Variants in CFAP20DC observed in about 807,000 individuals in gnomAD.
The protein encoded by CFAP20DC is CFAP20 domain containing.
A neutral mutation model predicts 101.7 loss-of-function variants in CFAP20DC; 84 were observed. The ratio of observed to expected loss-of-function variants is 0.83; its 90% CI spans 0.69 to 0.99. The LOEUF (loss-of-function observed/expected upper bound fraction) is 0.99. CFAP20DC is among the 50% of genes least tolerant of loss of function. The pLI, the probability that CFAP20DC is intolerant of heterozygous loss-of-function variation, is 0.00. For synonymous variants in CFAP20DC, 359 were observed against 351.2 expected, an observed-to-expected ratio of 1.02 and a Z score of -0.25; for missense variants, 1,007 against 970.3, an observed-to-expected ratio of 1.04 and a Z score of -0.50.
intron 4 of CFAP20DC, among the ~76,000 whole-genome samples, chr3:59,021,639 C>A (rs758582614): frequency 2.0e-5 from 3 of 152,086 alleles, no homozygotes; most frequent in African/African-American, 4.8e-5. Flanking sequence ...AGCAGCTACA[C>A]AGATTGAACC....
Position 58,866,699 on chromosome 3 carries a change from A to C in CFAP20DC, c.1136-11T>G. On this transcript the variant is annotated splice_polypyrimidine_tract_variant and intron_variant, in intron 10 of 16. Coordinates refer to ENST00000482387, the MANE Select transcript of CFAP20DC (RefSeq NM_001394063.1). The stretch of plus-strand genomic sequence containing the variant: ...TTCCTGAAGAGCTACCTTTATTGAG[A>C]TAAATATTTTCCCTCTATTACTTCT... 2.6e-6 allele frequency: 4 copies of C among 1,512,382 alleles called. No homozygotes were observed. The highest frequency in any genetic ancestry group is 3.6e-6 in the Non-Finnish European group (4 of 1,097,086). The allele number at this position is 1,512,382 out of a possible 1,614,324, so 93.7% of individuals were successfully genotyped here.
chr3:58,716,177 C>T (rs1230867729), downstream of CFAP20DC, among the ~76,000 whole-genome samples: 4 of 89,454 alleles, frequency 4.5e-5, no homozygotes, highest in South Asian at 3.8e-4. Context: ...TTTTTTGAGA[C>T]GGAGTCTCGC....
At chr3:58,769,617 G>A (rs4568148) in intron 15 of CFAP20DC, among the ~76,000 whole-genome samples, 8,711 of 152,112 alleles carry the variant, frequency 0.057, 527 homozygotes, top group East Asian at 0.35. Context: ...TGAGAGTGGC[G>A]GGAGGAATAA....
At chr3:58,836,453 T>G (rs773636947) in intron 13 of CFAP20DC, among the ~76,000 whole-genome samples, 1 of 152,156 alleles carries the variant, frequency 6.6e-6, no homozygotes, top group African/African-American at 2.4e-5. Context: ...GAGCCTCAGA[T>G]AGGAACCAGT....
Position 58,953,145 on chromosome 3 carries a change from G to C in CFAP20DC, c.279-15383C>G, listed in dbSNP as rs146290050. 5.3e-4 allele frequency among the ~76,000 whole-genome samples: 81 copies of C among 152,274 alleles called. 1 individual carries two copies. The highest frequency in any genetic ancestry group is 1.8e-3 in the African/African-American group (76 of 41,554). ...TCACATAAGGCAACGTTTAAGCTGA[G>C]TTGAGCGAAGTAGAGGTAGGAACCA... On this transcript the variant is annotated intron_variant, in intron 4 of 16. Transcript: ENST00000482387.
At chr3:58,949,498 G>C (rs1472154852) in intron 4 of CFAP20DC, among the ~76,000 whole-genome samples, 1 of 151,828 alleles carries the variant, frequency 6.6e-6, no homozygotes, top group African/African-American at 2.4e-5. Flanking sequence ...TGTTCTCGTT[G>C]GTTTCAAAGA....
intron 4 of CFAP20DC, among the ~76,000 whole-genome samples, chr3:59,025,346 G>C (rs972721828): frequency 6.6e-6 from 1 of 152,100 alleles, no homozygotes; most frequent in Non-Finnish European, 1.5e-5. Context: ...GGGACAAGTA[G>C]CATGAAAGTA....
intron 15 of CFAP20DC, among the ~76,000 whole-genome samples, chr3:58,760,130 T>C (rs1297494919): frequency 2.0e-5 from 3 of 152,222 alleles, no homozygotes; most frequent in African/African-American, 4.8e-5. Flanking sequence ...TTGGGCAGTA[T>C]GGCCATTTTC....
At chr3:58,758,222 C>G (rs960047121) in intron 15 of CFAP20DC, among the ~76,000 whole-genome samples, 1 of 152,258 alleles carries the variant, frequency 6.6e-6, no homozygotes, top group Non-Finnish European at 1.5e-5. Flanking sequence ...AGTCCAGCAT[C>G]TGTATCTTAC....
intron 5 of CFAP20DC, among the ~76,000 whole-genome samples, chr3:58,936,715 A>G (rs1348951247): frequency 6.6e-6 from 1 of 152,156 alleles, no homozygotes; most frequent in African/African-American, 2.4e-5. Flanking sequence ...ACAGGTGGGA[A>G]TTGAACAATG....
rs1184953357 is a variant in CFAP20DC, at chr3:58,868,903, A to T, written c.1015+425T>A. 6.6e-6 allele frequency among the ~76,000 whole-genome samples: 1 copy of T among 152,146 alleles called. No individual in the cohort carries two copies. The highest frequency in any genetic ancestry group is 1.5e-5 in the Non-Finnish European group (1 of 68,012). Reference sequence around the variant, plus strand: ...ATCTCTATCTGTAAAATGGAACAAAAATCCTTTTTCACTTACAGGGTTTAT... The same window carrying T: ...ATCTCTATCTGTAAAATGGAACAAATATCCTTTTTCACTTACAGGGTTTAT... On this transcript the variant is annotated intron_variant, in intron 9 of 16. Transcript: ENST00000482387. The surrounding 1 kb of genome is among the most constrained non-coding windows in gnomAD (Gnocchi z 4.6).
intron 15 of CFAP20DC, among the ~76,000 whole-genome samples, chr3:58,775,138 G>A (rs2071207464): frequency 6.6e-6 from 1 of 152,140 alleles, no homozygotes; most frequent in Non-Finnish European, 1.5e-5. Flanking sequence ...ACATTTTAAG[G>A]AGACATGAGA....
intron 5 of CFAP20DC, among the ~76,000 whole-genome samples, chr3:58,928,446 G>A (rs1301184426): frequency 6.6e-6 from 1 of 152,128 alleles, no homozygotes; most frequent in African/African-American, 2.4e-5. Context: ...ATTAATTCAT[G>A]TAAATCCCCA....
chr3:58,993,686 G>T (rs530475350), intron 4 of CFAP20DC, among the ~76,000 whole-genome samples: 1 of 152,042 alleles, frequency 6.6e-6, no homozygotes, highest in South Asian at 2.1e-4. Context: ...ATGTGTATTT[G>T]GTTTTCTGTT....
rs188798803 is a variant in CFAP20DC at position 59,001,638 on chromosome 3, C to A, written c.278+37919G>T. On this transcript the variant is annotated intron_variant, in intron 4 of 16. Transcript: ENST00000482387. The surrounding 1 kb of genome is among the most constrained non-coding windows in gnomAD (Gnocchi z 4.5). ...GTTGGTCAGGTTGGTCTCGAACTCC[C>A]GACCTCAGGTGATCCACCTGCCTTG... Among the ~76,000 whole-genome samples, 12 of 152,122 alleles carry A rather than the reference C, an allele frequency of 7.9e-5. No homozygotes were observed. Among genetic ancestry groups the A allele is most frequent in the African/African-American group, 2.9e-4 (12 of 41,418 alleles).
intron 5 of CFAP20DC, among the ~76,000 whole-genome samples, chr3:58,922,745 C>T (rs552460284): frequency 2.6e-5 from 4 of 152,132 alleles, no homozygotes; most frequent in African/African-American, 9.6e-5. Context: ...ATAAATTATC[C>T]AGCTTCAGAT....
At chr3:58,786,802 G>A (rs569922542) in intron 15 of CFAP20DC, among the ~76,000 whole-genome samples, 2 of 150,256 alleles carry the variant, frequency 1.3e-5, no homozygotes, top group Non-Finnish European at 2.9e-5. Context: ...ATATACTGAG[G>A]TTGCTAAGAT....
chr3:58,980,526 C>T (rs1406948283), intron 4 of CFAP20DC, among the ~76,000 whole-genome samples: 1 of 152,152 alleles, frequency 6.6e-6, no homozygotes, highest in Non-Finnish European at 1.5e-5. Context: ...TGGGCTTCAT[C>T]CCTGGGATGC....
chr3:58,865,115 T>C (rs1370591232), intron 11 of CFAP20DC, among the ~76,000 whole-genome samples: 1 of 151,666 alleles, frequency 6.6e-6, no homozygotes, highest in East Asian at 1.9e-4. Flanking sequence ...CTTTTTTTTT[T>C]TTTGCAGCTT....
Sources: allele counts gnomAD v4.1 joint callset (sites outside exome capture counted in the v4.1 genomes callset), GRCh38; gene constraint gnomAD v4.1.1; non-coding constraint Gnocchi (gnomAD v3.1); transcripts MANE v1.5; gene names NCBI Gene and HGNC (gene_info 2026-07-23, HGNC 2026-07-21).